PCDHGB2: variants seen among roughly 807,000 people sequenced by gnomAD.
PCDHGB2 encodes the protein protocadherin gamma subfamily B, 2, also known as protocadherin gamma-B2.
In PCDHGB2, 55 loss-of-function variants were observed where a neutral mutation model predicts 59.3. The ratio of observed to expected loss-of-function variants is 0.93; its 90% CI spans 0.75 to 1.16. The LOEUF (loss-of-function observed/expected upper bound fraction) is 1.16, where lower values mean the gene tolerates loss of function less well. Among genes scored for constraint, PCDHGB2 ranks in the 50% most tolerant of loss-of-function variants. PCDHGB2 has a pLI of 0.00. For missense variants in PCDHGB2, 1,228 were observed against 1,198.5 expected, an observed-to-expected ratio of 1.02 and a Z score of -0.36; for synonymous variants, 516 against 512.0, an observed-to-expected ratio of 1.01 and a Z score of -0.11.
At chr5:141,478,644 T>G in intron 1 of PCDHGB2, 1 of 1,552,238 alleles carries the variant, frequency 6.4e-7, no homozygotes, top group South Asian at 1.2e-5. Context: ...GATGAAGATG[T>G]TTTCCTGGTG....
At position 141,404,735 on chromosome 5, in the gene PCDHGB2, G is replaced by A. The variant is rs2094561317; in HGVS notation, c.2421+42179G>A. The stretch of plus-strand genomic sequence containing the variant: ...CCTGGTGACCAAGGTGGTGGCAGTG[G>A]ACAGAGACTCAGGCCAGAATGCTTG... On this transcript the variant is annotated intron_variant, in intron 1 of 3. Transcript: ENST00000522605. 6.2e-7 allele frequency: 1 copy of A among 1,614,014 alleles called. No homozygotes were observed. The highest frequency in any genetic ancestry group is 8.5e-7 in the Non-Finnish European group (1 of 1,180,032).
chr5:141,448,966 A>G (rs981772425), intron 1 of PCDHGB2, among the ~76,000 whole-genome samples: 5 of 152,118 alleles, frequency 3.3e-5, no homozygotes, highest in Non-Finnish European at 7.4e-5. Context: ...CAAACAAACA[A>G]AAAAGAACTT....
intron 1 of PCDHGB2, among the ~76,000 whole-genome samples, chr5:141,430,040 T>C (rs1449876504): frequency 1.3e-5 from 2 of 152,232 alleles, no homozygotes; most frequent in African/African-American, 2.4e-5. Flanking sequence ...ATTCTGATAA[T>C]GTATACAATC....
chr5:141,393,367 G>T, intron 1 of PCDHGB2: 1 of 1,613,962 alleles, frequency 6.2e-7, no homozygotes, highest in South Asian at 1.1e-5. Context: ...GTGCAGACTG[G>T]AGACAATGGA....
intron 1 of PCDHGB2, chr5:141,410,397 G>A (rs1338071222): frequency 1.9e-6 from 3 of 1,613,930 alleles, no homozygotes; most frequent in South Asian, 1.1e-5. Context: ...CCTGGTCTCT[G>A]TGTCAAGTCT....
chr5:141,454,796 ATTTTTTTTTTTTTTTTTT>A (rs61612330), intron 1 of PCDHGB2, among the ~76,000 whole-genome samples: 1 of 77,408 alleles, frequency 1.3e-5, no homozygotes, highest in Non-Finnish European at 2.3e-5. Flanking sequence ...CATGGTTCTA[ATTTTTTTTTTTTTTTTTT>A]TTTTTTTTTT....
chr5:141,402,610 G>A (rs900326336), intron 1 of PCDHGB2, among the ~76,000 whole-genome samples: 1 of 152,168 alleles, frequency 6.6e-6, no homozygotes, highest in Admixed American at 6.5e-5. Context: ...AAATACAAAT[G>A]CAAGAAACAA....
rs2099622509 is a variant in PCDHGB2 at position 141,485,988 on chromosome 5, G to T, written c.2422-8819G>T. On this transcript the variant is annotated intron_variant, in intron 1 of 3. Coordinates refer to ENST00000522605, the MANE Select transcript of PCDHGB2 (RefSeq NM_018923.3). The surrounding 1 kb of genome is among the most constrained non-coding windows in gnomAD (Gnocchi z 5.7). The stretch of plus-strand genomic sequence containing the variant: ...CTCAATGCCTCAGACCCGGACCTGG[G>T]TCCCAGTGGTAACGTCACCTTTTAT... 16 of 1,614,188 alleles carry T rather than the reference G, an allele frequency of 9.9e-6. No homozygotes were observed. The highest frequency in any genetic ancestry group is 1.4e-5 in the Non-Finnish European group (16 of 1,180,038).
rs1177043977 is a variant in PCDHGB2, at chr5:141,491,919, C to G, written c.2422-2888C>G. On this transcript the variant is annotated intron_variant, in intron 1 of 3. Coordinates refer to ENST00000522605, the MANE Select transcript of PCDHGB2 (RefSeq NM_018923.3). The surrounding 1 kb of genome is among the most constrained non-coding windows in gnomAD (Gnocchi z 6.9). ...CACCGGGGGTGGTGGCGACTGTGGG[C>G]GAGGGGAGGTGGGACCGACCCCCAC... 5 of 1,361,900 alleles carry G rather than the reference C, an allele frequency of 3.7e-6. No homozygotes were observed. The South Asian group carries it at 7.8e-5, about 21-fold the overall frequency. The allele number at this position is 1,361,900 out of a possible 1,614,324, so 84.4% of individuals were successfully genotyped here. A position where few individuals can be genotyped will look rare whatever the true frequency, so the allele number is the denominator to read the frequency against.
At chr5:141,365,398 C>G in intron 1 of PCDHGB2, 1 of 1,613,978 alleles carries the variant, frequency 6.2e-7, no homozygotes, top group South Asian at 1.1e-5. Flanking sequence ...CCAGTTCGAT[C>G]TCTGAAGACT....
chr5:141,485,074 G>C lies in PCDHGB2; in HGVS notation c.2422-9733G>C, dbSNP rs2099606548. ...GGCCGAACCGCGCCAGAGCTGGCGC[G>C]GGGAAAGGGAGATAGGTGTCTCCAG... On this transcript the variant is annotated intron_variant, in intron 1 of 3. Coordinates refer to ENST00000522605, the MANE Select transcript of PCDHGB2 (RefSeq NM_018923.3). The surrounding 1 kb of genome is among the most constrained non-coding windows in gnomAD (Gnocchi z 5.7). 1 of 926,946 alleles carries C rather than the reference G, an allele frequency of 1.1e-6. No individual in the cohort carries two copies. The highest frequency in any genetic ancestry group is 1.6e-5 in the South Asian group (1 of 62,606). The allele number at this position is 926,946 out of a possible 1,614,324, so 57.4% of individuals were successfully genotyped here.
At chr5:141,509,570 G>A (rs2099877371) in intron 3 of PCDHGB2, among the ~76,000 whole-genome samples, 1 of 152,232 alleles carries the variant, frequency 6.6e-6, no homozygotes, top group South Asian at 2.1e-4. Flanking sequence ...AGCCTTCACA[G>A]TGCGTACAAA....
At chr5:141,494,972 C>G in intron 2 of PCDHGB2, 107 bp downstream of exon 2, 1 of 1,581,852 alleles carries the variant, frequency 6.3e-7, no homozygotes, top group Non-Finnish European at 8.6e-7. Context: ...TGGCTTCTCC[C>G]TCAGTTTGAG....
rs374200575 is a variant in PCDHGB2, at chr5:141,432,105, C to T, written c.2422-62702C>T. On this transcript the variant is annotated intron_variant, in intron 1 of 3. Transcript: ENST00000522605. The surrounding 1 kb of genome is among the most constrained non-coding windows in gnomAD (Gnocchi z 6.0). ...AACGTGGCAGACACCAACGACAACC[C>T]GCCGGTCTTCCCTCAGGCCTCCTAT... 1.9e-6 allele frequency: 3 copies of T among 1,614,172 alleles called. No homozygotes were observed. Among genetic ancestry groups the T allele is most frequent in the Admixed American group, 3.3e-5 (2 of 60,032 alleles).
intron 1 of PCDHGB2, chr5:141,388,574 T>C (rs372294800): frequency 6.2e-7 from 1 of 1,613,724 alleles, no homozygotes; most frequent in East Asian, 2.2e-5. Flanking sequence ...AGATACACGT[T>C]CTAGTGACTG....
In PCDHGB2 at chr5:141,394,836, T is replaced by G. The variant is rs116789057; in HGVS notation, c.2421+32280T>G. On this transcript the variant is annotated intron_variant, in intron 1 of 3. Transcript: ENST00000522605. Reference sequence around the variant, plus strand: ...CAGCATCCCCGAAGTCCTGACCGAGTTGGGCAGTCTGAAGCCTTCGGTCGA... The same window carrying G: ...CAGCATCCCCGAAGTCCTGACCGAGGTGGGCAGTCTGAAGCCTTCGGTCGA... 1,507 of 1,613,748 alleles carry G rather than the reference T, an allele frequency of 9.3e-4. 9 individuals carry two copies. The African/African-American group carries it at 0.016, about 17-fold the overall frequency.
rs570379716 is a variant in PCDHGB2 at position 141,452,090 on chromosome 5, G to A, written c.2422-42717G>A. Among the ~76,000 whole-genome samples, 3 of 152,256 alleles carry A rather than the reference G, an allele frequency of 2.0e-5. No individual in the cohort carries two copies. The South Asian group carries it at 6.2e-4, about 32-fold the overall frequency. On this transcript the variant is annotated intron_variant, in intron 1 of 3. Coordinates refer to ENST00000522605, the MANE Select transcript of PCDHGB2 (RefSeq NM_018923.3). The stretch of plus-strand genomic sequence containing the variant: ...TTTATTAGTTGGCATTATACAGTAA[G>A]AAAGAGCTTTCTTTTCTCTTCTTAT...
chr5:141,405,704 C>T (rs1589592020), intron 1 of PCDHGB2, among the ~76,000 whole-genome samples: 1 of 152,286 alleles, frequency 6.6e-6, no homozygotes, highest in East Asian at 1.9e-4. Context: ...TCTTGAATTC[C>T]TAACCTCAAG....
intron 1 of PCDHGB2, among the ~76,000 whole-genome samples, chr5:141,484,288 C>T (rs1300726429): frequency 6.6e-6 from 1 of 152,176 alleles, no homozygotes; most frequent in African/African-American, 2.4e-5. Context: ...AAACATCTCC[C>T]TCTCCTGGCT....
Sources: gnomAD v4.1 joint callset for allele counts (sites outside exome capture counted in the v4.1 genomes callset) on GRCh38, gnomAD v4.1.1 for gene constraint, Gnocchi (gnomAD v3.1) non-coding constraint, MANE v1.5 for transcripts, NCBI Gene and HGNC (gene_info 2026-07-23, HGNC 2026-07-21) for gene names.